MAP7D2: variants seen among roughly 807,000 people sequenced by gnomAD.
MAP7D2 encodes the protein MAP7 domain-containing protein 2.
A neutral mutation model predicts 63.5 loss-of-function variants in MAP7D2; 33 were observed. The ratio of observed to expected loss-of-function variants is 0.52; its 90% CI spans 0.39 to 0.70. The LOEUF (loss-of-function observed/expected upper bound fraction) is 0.70. Ranked by LOEUF, MAP7D2 falls within the 30% of genes least tolerant of loss-of-function variation. The probability of loss-of-function intolerance (pLI) is 0.00; values close to 1 mark genes in which losing one functional copy is unlikely to be tolerated. For synonymous variants in MAP7D2, 224 were observed against 223.7 expected, an observed-to-expected ratio of 1.00 and a Z score of -0.01; for missense variants, 626 against 604.0, an observed-to-expected ratio of 1.04 and a Z score of -0.38.
intron 1 of MAP7D2, among the ~76,000 whole-genome samples, chrX:20,098,281 G>T (rs753101992): frequency 5.3e-5 from 6 of 112,371 alleles, no homozygotes; most frequent in African/African-American, 1.9e-4. Context: ...CTGTGGCCAG[G>T]TCCTATAGCT....
Position 20,010,951 on chromosome X carries a change from C to G in MAP7D2, c.2174G>C (p.Arg725Pro). ...SLDQNGTGNA[R>P]ALQDLLDFTG... is the part of the protein sequence containing the mutation. Reference sequence around the variant, plus strand: ...GAAATCTAAGAGATCTTGAAGTGCTCGGGCATTACCAGTTCCATTTTGGTC... The same window carrying G: ...GAAATCTAAGAGATCTTGAAGTGCTGGGGCATTACCAGTTCCATTTTGGTC... Residue 725 changes from arginine (R) to proline (P), a missense_variant, in exon 16 of 17, where the codon CGA (arginine) becomes CCA (proline). By Grantham distance (103) the Arg-to-Pro change is moderately radical. Transcript: ENST00000379643. 8.3e-7 allele frequency: 1 copy of G among 1,210,812 alleles called. No homozygotes were observed. Among genetic ancestry groups the G allele is most frequent in the Non-Finnish European group, 1.1e-6 (1 of 895,260 alleles).
intron 10 of MAP7D2, among the ~76,000 whole-genome samples, chrX:20,023,052 G>A (rs2073711228): frequency 8.9e-6 from 1 of 112,041 alleles, no homozygotes; most frequent in East Asian, 2.8e-4. Context: ...ACAGAGCTTG[G>A]GCCACAGGCA....
intron 2 of MAP7D2, among the ~76,000 whole-genome samples, chrX:20,063,987 T>C (rs1402190414): frequency 2.7e-5 from 3 of 112,563 alleles, no homozygotes; most frequent in East Asian, 2.8e-4. Context: ...GCTATGTTCA[T>C]TCAAAAGCAG....
At chrX:20,010,480 C>T (rs867669083) in intron 16 of MAP7D2, among the ~76,000 whole-genome samples, 1 of 109,577 alleles carries the variant, frequency 9.1e-6, no homozygotes, top group Admixed American at 9.6e-5. Flanking sequence ...TCCTTGCCCC[C>T]TAAAAAAGCT....
rs1412813396 is a variant in MAP7D2 at position 20,012,214 on chromosome X, A to C, written c.2072+135T>G. Reference sequence around the variant, plus strand: ...ACGCAAGACACTAGAATGTTATACCACTGAGAGCTTTCCTGTAATGTCAAT... The same window carrying C: ...ACGCAAGACACTAGAATGTTATACCCCTGAGAGCTTTCCTGTAATGTCAAT... On this transcript the variant is annotated intron_variant, in intron 15 of 16. Transcript: ENST00000379643. 6.5e-6 allele frequency: 3 copies of C among 459,432 alleles called. No individual in the cohort carries two copies. In the East Asian group the frequency reaches 1.1e-4, roughly 17 times the overall value. The allele number at this position is 459,432 out of a possible 1,213,427, so 37.9% of individuals were successfully genotyped here.
intron 1 of MAP7D2, among the ~76,000 whole-genome samples, chrX:20,076,814 T>C (rs188339719): frequency 0.014 from 1,574 of 112,857 alleles, 8 homozygotes; most frequent in Middle Eastern, 0.019. Context: ...AATAGATTTT[T>C]ATAAAATATG....
At chrX:20,018,341 T>C (rs1185239169) in intron 10 of MAP7D2, among the ~76,000 whole-genome samples, 1 of 109,736 alleles carries the variant, frequency 9.1e-6, no homozygotes, top group Non-Finnish European at 1.9e-5. Flanking sequence ...TTATGGCCCC[T>C]GAACCTCCAT....
chrX:20,056,901 C>A, intron 3 of MAP7D2, 110 bp from the exon 4 acceptor site: 1 of 677,951 alleles, frequency 1.5e-6, no homozygotes, highest in South Asian at 2.7e-5. Context: ...TTTCTGTGCT[C>A]AGCATCCAAA....
chrX:20,085,325 T>C (rs1466795398), intron 1 of MAP7D2, among the ~76,000 whole-genome samples: 1 of 111,756 alleles, frequency 8.9e-6, no homozygotes, highest in Non-Finnish European at 1.9e-5. Flanking sequence ...GAAAACTGGG[T>C]TTACCTGATT....
At chrX:20,103,916 G>A (rs2066501088) in intron 1 of MAP7D2, among the ~76,000 whole-genome samples, 1 of 111,579 alleles carries the variant, frequency 9.0e-6, no homozygotes, top group Admixed American at 9.6e-5. Context: ...TTTTTAAGCA[G>A]TAAAGATAAA....
At chrX:20,014,217 CAGA>C (rs2073304020) in intron 12 of MAP7D2, among the ~76,000 whole-genome samples, 1 of 112,552 alleles carries the variant, frequency 8.9e-6, no homozygotes. Context: ...TAAAAACACA[CAGA>C]AGAAGTTTTA....
intron 1 of MAP7D2, among the ~76,000 whole-genome samples, chrX:20,115,251 A>C (rs1243695794): frequency 2.8e-5 from 3 of 108,398 alleles, no homozygotes; most frequent in South Asian, 7.9e-4. Context: ...AAAAAAAAAA[A>C]AAAAAAACCC....
chrX:20,076,439 C>CTCAT (rs1290030473), intron 1 of MAP7D2, among the ~76,000 whole-genome samples: 2 of 112,023 alleles, frequency 1.8e-5, no homozygotes, highest in East Asian at 5.6e-4. Context: ...GGCGCAGTGG[C>CTCAT]TCATGCCTGT....
intron 1 of MAP7D2, 22 bp downstream of exon 1, chrX:20,116,728 C>T: frequency 1.7e-6 from 2 of 1,153,837 alleles, no homozygotes; most frequent in South Asian, 4.1e-5. Context: ...CTCGGGCGCC[C>T]GCCACACTCT....
chrX:20,074,311 T>C (rs1028675073), intron 1 of MAP7D2, among the ~76,000 whole-genome samples: 9 of 110,657 alleles, frequency 8.1e-5, no homozygotes, highest in African/African-American at 2.3e-4. Context: ...TTCAGATCAG[T>C]GAAAGGCAGG....
intron 2 of MAP7D2, 93 bp from the exon 3 acceptor site, chrX:20,063,670 T>TA: frequency 1.0e-6 from 1 of 965,677 alleles, no homozygotes; most frequent in South Asian, 2.3e-5. Flanking sequence ...AGCAGAGCCC[T>TA]AAAAAGAGCC....
chrX:20,015,442 G>C, intron 11 of MAP7D2, 115 bp from the exon 12 acceptor site: 1 of 567,522 alleles, frequency 1.8e-6, no homozygotes, highest in Non-Finnish European at 2.9e-6. Context: ...AGTGGATGCT[G>C]CTCCAATATT....
At chrX:20,088,579 C>G (rs1212893271) in intron 1 of MAP7D2, among the ~76,000 whole-genome samples, 1 of 102,275 alleles carries the variant, frequency 9.8e-6, no homozygotes, top group Non-Finnish European at 2.0e-5. Flanking sequence ...CCCACCTCAG[C>G]CTCCCAAAGT....
At chrX:20,076,879 C>T (rs950460135) in intron 1 of MAP7D2, among the ~76,000 whole-genome samples, 14 of 112,273 alleles carry the variant, frequency 1.2e-4, no homozygotes, top group African/African-American at 4.2e-4. Flanking sequence ...TTACATTTTC[C>T]AGAAAAATGC....
Sources: gnomAD v4.1 joint callset for allele counts (sites outside exome capture counted in the v4.1 genomes callset) on GRCh38, gnomAD v4.1.1 for gene constraint, MANE v1.5 for transcripts, NCBI Gene and HGNC (gene_info 2026-07-23, HGNC 2026-07-21) for gene names.